The following PRDM8 variants were observed in gnomAD, a reference collection of about 807,000 sequenced individuals.
PRDM8 encodes the protein PR domain zinc finger protein 8.
Under a neutral mutation model 46.5 loss-of-function variants are expected in PRDM8, and 13 were observed. The ratio of observed to expected loss-of-function variants is 0.28; its 90% CI spans 0.18 to 0.44. PRDM8 has a LOEUF of 0.44. Ranked by LOEUF, PRDM8 falls within the 20% of genes least tolerant of loss-of-function variation. The probability of loss-of-function intolerance (pLI) is 1.00; values close to 1 mark genes in which losing one functional copy is unlikely to be tolerated. For synonymous variants in PRDM8, 473 were observed against 438.4 expected (o/e 1.08, Z -0.98); for missense variants, 998 against 955.0 (o/e 1.04, Z -0.59).
Position 80,202,291 on chromosome 4 carries a change from T to G in PRDM8, c.829T>G (p.Cys277Gly). The change falls in exon 4 of 4, where the codon TGC (cysteine) becomes GGC (glycine). Residue 277 changes from cysteine (C) to glycine (G), a missense_variant. Coordinates refer to ENST00000415738, the MANE Select transcript of PRDM8 (RefSeq NM_001099403.2). ...ELENSRGGSS[C>G]SPAQSLSSGS... ...GGAAAACTCCCGGGGAGGCAGCAGC[T>G]GCTCCCCAGCCCAGAGCCTCAGCAG... The G allele has an allele frequency of 6.2e-7, 1 of 1,604,820 alleles. No individual in the cohort carries two copies. The highest frequency in any genetic ancestry group is 1.7e-5 in the Admixed American group (1 of 59,428).
chr4:80,200,372 A>G, intron 2 of PRDM8, 73 bp downstream of exon 2: 1 of 1,328,520 alleles, frequency 7.5e-7, no homozygotes, highest in Non-Finnish European at 1.1e-6. Flanking sequence ...AATAATTATA[A>G]TGACAAGTGG....
chr4:80,187,252 G>GGC (rs1553903072), intron 1 of PRDM8, among the ~76,000 whole-genome samples: 2 of 141,486 alleles, frequency 1.4e-5, no homozygotes, highest in African/African-American at 5.2e-5. Flanking sequence ...CCTGGGGCGG[G>GGC]GGGAAGCAGA....
intron 1 of PRDM8, among the ~76,000 whole-genome samples, chr4:80,187,314 T>C (rs1300474585): frequency 6.6e-6 from 1 of 151,318 alleles, no homozygotes; most frequent in Non-Finnish European, 1.5e-5. Flanking sequence ...AATGTCCTCT[T>C]AGTTGATGGG....
chr4:80,200,804 T>C lies in PRDM8; in HGVS notation c.220-486T>C, dbSNP rs3796602. On this transcript the variant is annotated intron_variant, in intron 2 of 3. Coordinates refer to ENST00000415738, the MANE Select transcript of PRDM8 (RefSeq NM_001099403.2). ...CATCATCAAATCCATATGTCTGAAT[T>C]GGAAGATTCAGACCTCTCATTTCCT... 3.9e-3 allele frequency among the ~76,000 whole-genome samples: 589 copies of C among 152,354 alleles called. 6 individuals are homozygous for C. Among genetic ancestry groups the C allele is most frequent in the East Asian group, 0.027 (140 of 5,182 alleles).
In PRDM8 at chr4:80,200,187, C is replaced by G. The variant is rs779236644; in HGVS notation, c.107C>G (p.Pro36Arg). The G allele has an allele frequency of 1.2e-6, 2 of 1,614,062 alleles. No individual in the cohort carries two copies. Among genetic ancestry groups the G allele is most frequent in the Non-Finnish European group, 1.7e-6 (2 of 1,179,948 alleles). Residue 36 changes from proline to arginine, a missense_variant, in exon 2 of 4, where the codon CCT becomes CGT. Pro to Arg is a moderately radical substitution (Grantham distance 103). Coordinates refer to ENST00000415738, the MANE Select transcript of PRDM8 (RefSeq NM_001099403.2). Reference protein sequence around the residue: ...FTSVYTTCDIPENAIFGPCVL... With the variant: ...FTSVYTTCDIRENAIFGPCVL... ...AGCGTTTACACCACCTGCGACATCC[C>G]TGAGAATGCTATATTTGGTCCCTGT...
chr4:80,199,574 G>GA (rs1300538596), intron 1 of PRDM8, among the ~76,000 whole-genome samples: 3 of 151,882 alleles, frequency 2.0e-5, no homozygotes, highest in East Asian at 1.9e-4. Flanking sequence ...TGGAAGAAAA[G>GA]AAAAAAATCA....
intron 1 of PRDM8, among the ~76,000 whole-genome samples, chr4:80,198,810 A>T (rs1197687466): frequency 2.0e-5 from 3 of 152,138 alleles, no homozygotes; most frequent in Non-Finnish European, 4.4e-5. Flanking sequence ...AAAGAATTAG[A>T]TCTACTCTTT....
intron 1 of PRDM8, 150 bp downstream of exon 1, chr4:80,197,913 A>G: frequency 1.3e-6 from 1 of 792,748 alleles, no homozygotes. Flanking sequence ...ATATTGTACA[A>G]AAGGAGGAGC....
In PRDM8 at chr4:80,203,729, G is replaced by C. The variant is rs534247759; in HGVS notation, c.*197G>C. ...AGGAACCTCATTCAAATATTTACCC[G>C]GGACACACACCCCCCCCCACACACA... is the stretch of plus-strand genomic sequence containing the variant. On this transcript the variant is annotated 3_prime_UTR_variant, in exon 4 of 4. Transcript: ENST00000415738. 3.2e-4 allele frequency: 186 copies of C among 590,024 alleles called. No homozygotes were observed. The highest frequency in any genetic ancestry group is 2.3e-3 in the African/African-American group (102 of 43,612). 36.5% of individuals were successfully genotyped at this position (590,024 alleles called of 1,614,324 possible).
Position 80,202,827 on chromosome 4 carries a change from G to A in PRDM8, c.1365G>A (p.Ala455=). The change falls in exon 4 of 4, where the codon GCG becomes GCA. Residue 455 remains alanine (A), a synonymous_variant. Transcript: ENST00000415738. The part of the protein sequence containing the change: ...LPSRLEGGSP[A]RGSAFTSVPQ... ...GCCGGCTCGAGGGCGGCAGTCCTGC[G>A]AGGGGCAGCGCCTTCACTTCGGTGC... The A allele has an allele frequency of 8.1e-7, 1 of 1,228,430 alleles. No individual in the cohort carries two copies. The highest frequency in any genetic ancestry group is 3.4e-5 in the East Asian group (1 of 29,566). The allele number at this position is 1,228,430 out of a possible 1,614,324, so 76.1% of individuals were successfully genotyped here.
At chr4:80,186,477 A>G (rs1234780558) in intron 1 of PRDM8, among the ~76,000 whole-genome samples, 2 of 92,874 alleles carry the variant, frequency 2.2e-5, no homozygotes, top group Non-Finnish European at 4.8e-5. Flanking sequence ...AGATCAGATC[A>G]GTTAACTCCC....
At chr4:80,190,602 C>T (rs1737468628) in intron 1 of PRDM8, among the ~76,000 whole-genome samples, 1 of 152,226 alleles carries the variant, frequency 6.6e-6, no homozygotes, top group South Asian at 2.1e-4. Context: ...CAGGGAAACC[C>T]GGTTTGCCAA....
At chr4:80,196,713 G>T (rs180671770), upstream of PRDM8, 2,021 of 917,500 alleles carry the variant, frequency 2.2e-3, 4 homozygotes, top group Non-Finnish European at 2.5e-3. Flanking sequence ...CCAAGCAGAG[G>T]GGGGGAAAAA....
At position 80,203,166 on chromosome 4, in the gene PRDM8, C is replaced by A; in HGVS notation, c.1704C>A (p.Gly568=). The A allele has an allele frequency of 6.5e-7, 1 of 1,544,178 alleles. No individual in the cohort carries two copies. The highest frequency in any genetic ancestry group is 8.7e-7 in the Non-Finnish European group (1 of 1,151,034). ...GCGSLPSGGG[G]LPKQSPFLYA... Reference sequence around the variant, plus strand: ...GGTCCCTGCCGAGCGGCGGCGGCGGCCTGCCTAAGCAGAGCCCCTTCCTGT... The same window carrying A: ...GGTCCCTGCCGAGCGGCGGCGGCGGACTGCCTAAGCAGAGCCCCTTCCTGT... Residue 568 remains glycine, a synonymous_variant, in exon 4 of 4, where the codon GGC becomes GGA. Transcript: ENST00000415738.
At chr4:80,198,994 G>GTTTTTTTTTTTTT (rs1310531623) in intron 1 of PRDM8, among the ~76,000 whole-genome samples, 763 of 63,022 alleles carry the variant, frequency 0.012, 1 homozygote, top group Middle Eastern at 0.024. Context: ...TTTTTTTTTT[G>GTTTTTTTTTTTTT]TTTTTTTTTT....
At position 80,202,489 on chromosome 4, in the gene PRDM8, G is replaced by A; in HGVS notation, c.1027G>A (p.Ala343Thr). The A allele has an allele frequency of 1.3e-6, 2 of 1,533,720 alleles. No individual in the cohort carries two copies. The highest frequency in any genetic ancestry group is 1.8e-6 in the Non-Finnish European group (2 of 1,142,184). ...CCGCTTCGTAGAGCGGCCCCTCCCG[G>A]CCTCCAAGGAGGATCTGGTGTGCAC... ...RGRFVERPLP[A>T]SKEDLVCTPQ... The change falls in exon 4 of 4, where the codon GCC (alanine) becomes ACC (threonine). Residue 343 changes from alanine to threonine, a missense_variant. Coordinates refer to ENST00000415738, the MANE Select transcript of PRDM8 (RefSeq NM_001099403.2).
chr4:80,197,762 T>C lies in PRDM8; in HGVS notation c.-4T>C. ...GGAGATTCTATACTGACCTTATTCC[T>C]GGTAAGTCTATTTGCATTGATGTGG... On this transcript the variant is annotated splice_region_variant and 5_prime_UTR_variant, in exon 1 of 4. Coordinates refer to ENST00000415738, the MANE Select transcript of PRDM8 (RefSeq NM_001099403.2). 1.0e-6 allele frequency: 1 copy of C among 985,186 alleles called. No homozygotes were observed. Among genetic ancestry groups the C allele is most frequent in the Non-Finnish European group, 1.2e-6 (1 of 829,332 alleles). 61.0% of individuals were successfully genotyped at this position (985,186 alleles called of 1,614,324 possible). A position where few individuals can be genotyped will look rare whatever the true frequency, so the allele number is the denominator to read the frequency against.
At chr4:80,192,669 C>T (rs116387762), upstream of PRDM8, among the ~76,000 whole-genome samples, 1 of 152,166 alleles carries the variant, frequency 6.6e-6, no homozygotes, top group South Asian at 2.1e-4. Context: ...AAAATCCAAG[C>T]CTTTTCTTGC....
upstream of PRDM8, among the ~76,000 whole-genome samples, chr4:80,195,661 G>A (rs1200506632): frequency 6.6e-6 from 1 of 152,098 alleles, no homozygotes; most frequent in East Asian, 1.9e-4. Flanking sequence ...ATTGCACTGA[G>A]CCTTGGTCAT....
Sources: gnomAD v4.1 joint callset for allele counts (sites outside exome capture counted in the v4.1 genomes callset) on GRCh38, gnomAD v4.1.1 for gene constraint, MANE v1.5 for transcripts, NCBI Gene and HGNC (gene_info 2026-07-23, HGNC 2026-07-21) for gene names.